The following NMT1 variants were observed in gnomAD, a reference collection of about 807,000 sequenced individuals.
The protein encoded by NMT1 is N-myristoyltransferase 1.
In NMT1, 12 loss-of-function variants were observed where a neutral mutation model predicts 63.4. That is an observed-to-expected ratio of 0.19 (90% CI 0.12 to 0.31). The LOEUF (loss-of-function observed/expected upper bound fraction) is 0.31. NMT1 is among the 10% of genes least tolerant of loss of function. The probability of loss-of-function intolerance (pLI) is 1.00; values close to 1 mark genes in which losing one functional copy is unlikely to be tolerated. For synonymous variants in NMT1, 228 were observed against 234.3 expected, an observed-to-expected ratio of 0.97 and a Z score of 0.25; for missense variants, 432 against 634.6, an observed-to-expected ratio of 0.68 and a Z score of 3.43.
In NMT1 at chr17:45,104,692, G is replaced by A; in HGVS notation, c.1333-167G>A. On this transcript the variant is annotated intron_variant, in intron 10 of 11. Transcript: ENST00000258960. The surrounding 1 kb of genome is among the most constrained non-coding windows in gnomAD (Gnocchi z 4.2). ...CTGGAGGGGGCGCTCAGAGTGTCCT[G>A]AGAACCACCCGGAGAGCGGGGATTA... 4 of 1,446,616 alleles carry A rather than the reference G, an allele frequency of 2.8e-6. No individual in the cohort carries two copies. Among genetic ancestry groups the A allele is most frequent in the Non-Finnish European group, 3.6e-6 (4 of 1,102,428 alleles). 89.6% of individuals were successfully genotyped at this position (1,446,616 alleles called of 1,614,324 possible). A position where few individuals can be genotyped will look rare whatever the true frequency, so the allele number is the denominator to read the frequency against.
At chr17:45,096,142 T>G in intron 4 of NMT1, 52 bp from the exon 5 acceptor site, 2 of 1,356,564 alleles carry the variant, frequency 1.5e-6, no homozygotes, top group East Asian at 4.6e-5. Flanking sequence ...GTATTGGAGT[T>G]GGTCTACTAC....
chr17:45,067,704 G>C (rs530195273), intron 1 of NMT1, among the ~76,000 whole-genome samples: 1 of 152,134 alleles, frequency 6.6e-6, no homozygotes, highest in East Asian at 1.9e-4. Flanking sequence ...TTCAAAACTA[G>C]ATCAAAGCAG....
chr17:45,091,598 G>A (rs1364056617), intron 3 of NMT1, among the ~76,000 whole-genome samples: 1 of 152,176 alleles, frequency 6.6e-6, no homozygotes, highest in Non-Finnish European at 1.5e-5. Context: ...TACAAGTTGG[G>A]AAATTAGCAC....
At chr17:45,096,064 G>T in intron 4 of NMT1, 130 bp from the exon 5 acceptor site, 1 of 688,566 alleles carries the variant, frequency 1.5e-6, no homozygotes, top group Non-Finnish European at 2.6e-6. Flanking sequence ...GGGGGCAGAA[G>T]GATTTGTGAG....
At chr17:45,084,373 C>T (rs539040618) in intron 2 of NMT1, among the ~76,000 whole-genome samples, 128 of 136,922 alleles carry the variant, frequency 9.3e-4, no homozygotes, top group African/African-American at 3.3e-3. Context: ...CTCGCTCTGT[C>T]GCCCAGGCTA....
rs2054200335 is a variant in NMT1 at position 45,105,952 on chromosome 17, A to G, written c.*313A>G. 1 of 191,642 alleles carries G rather than the reference A, an allele frequency of 5.2e-6. No individual in the cohort carries two copies. The highest frequency in any genetic ancestry group is 1.1e-5 in the Non-Finnish European group (1 of 94,808). The allele number at this position is 191,642 out of a possible 1,614,324, so 11.9% of individuals were successfully genotyped here. On this transcript the variant is annotated 3_prime_UTR_variant, in exon 12 of 12. Coordinates refer to ENST00000258960, the MANE Select transcript of NMT1 (RefSeq NM_021079.5). The surrounding 1 kb of genome is among the most constrained non-coding windows in gnomAD (Gnocchi z 4.2). Reference sequence around the variant, plus strand: ...CATATAATGGAGTTAACGGGTGAATAATAAAAGTATATATATATATTATAT... The same window carrying G: ...CATATAATGGAGTTAACGGGTGAATGATAAAAGTATATATATATATTATAT...
At chr17:45,076,409 G>A (rs2053977752) in intron 1 of NMT1, among the ~76,000 whole-genome samples, 1 of 151,486 alleles carries the variant, frequency 6.6e-6, no homozygotes. Flanking sequence ...CCTCACGGAT[G>A]GGGCTCAATA....
At chr17:45,090,947 A>G (rs1399913353) in intron 3 of NMT1, among the ~76,000 whole-genome samples, 1 of 152,022 alleles carries the variant, frequency 6.6e-6, no homozygotes, top group Non-Finnish European at 1.5e-5. Flanking sequence ...AGAGCAGGAC[A>G]AGCAGAGGCC....
chr17:45,102,839 G>T, intron 8 of NMT1, 112 bp from the exon 9 acceptor site: 1 of 984,072 alleles, frequency 1.0e-6, no homozygotes, highest in Non-Finnish European at 1.5e-6. Flanking sequence ...CGGGGGTGCA[G>T]GGAGCCGCCG....
chr17:45,101,034 A>G (rs898649742), intron 8 of NMT1, among the ~76,000 whole-genome samples: 4 of 140,084 alleles, frequency 2.9e-5, no homozygotes, highest in African/African-American at 1.1e-4. Context: ...ACAAAAAAAA[A>G]TTAGCCGGGC....
chr17:45,103,587 T>C lies in NMT1; in HGVS notation c.1165-122T>C. 2 of 1,001,012 alleles carry C rather than the reference T, an allele frequency of 2.0e-6. No individual in the cohort carries two copies. The highest frequency in any genetic ancestry group is 3.0e-6 in the Non-Finnish European group (2 of 672,580). The allele number at this position is 1,001,012 out of a possible 1,614,324, so 62.0% of individuals were successfully genotyped here. A position where few individuals can be genotyped will look rare whatever the true frequency, so the allele number is the denominator to read the frequency against. The stretch of plus-strand genomic sequence containing the variant: ...CTCCTCCCCACATGTCCTGTTGCAG[T>C]TTCCAGCCATTTATCTAGAGGGGCA... On this transcript the variant is annotated intron_variant, in intron 9 of 11. Transcript: ENST00000258960. The surrounding 1 kb of genome is among the most constrained non-coding windows in gnomAD (Gnocchi z 4.8).
chr17:45,105,813 G>GCTGCGTGACGACT lies in NMT1; in HGVS notation c.*184_*185insACTCTGCGTGACG. The GCTGCGTGACGACT allele has an allele frequency of 3.4e-6, 2 of 593,856 alleles. No homozygotes were observed. The highest frequency in any genetic ancestry group is 5.8e-6 in the Non-Finnish European group (2 of 343,858). The allele number at this position is 593,856 out of a possible 1,614,324, so 36.8% of individuals were successfully genotyped here. A position where few individuals can be genotyped will look rare whatever the true frequency, so the allele number is the denominator to read the frequency against. ...TGACAATTGTATTGCGATGGCGTGG[G>GCTGCGTGACGACT]CTGCGTGACGTCACCTCCGGTCGTG... On this transcript the variant is annotated 3_prime_UTR_variant, in exon 12 of 12. Transcript: ENST00000258960. This position sits in a 1 kb window ranked among gnomAD's most constrained non-coding sequence, Gnocchi z 4.2.
At chr17:45,070,111 G>T (rs1415442367) in intron 1 of NMT1, among the ~76,000 whole-genome samples, 1 of 152,094 alleles carries the variant, frequency 6.6e-6, no homozygotes, top group African/African-American at 2.4e-5. Flanking sequence ...AGCAGTTATC[G>T]TCCATGACAA....
chr17:45,081,667 C>G lies in NMT1; in HGVS notation c.155C>G (p.Thr52Ser). 1 of 1,613,622 alleles carries G rather than the reference C, an allele frequency of 6.2e-7. No individual in the cohort carries two copies. Among genetic ancestry groups the G allele is most frequent in the Non-Finnish European group, 8.5e-7 (1 of 1,179,868 alleles). ...NRGGLSPAND[T>S]GAKKKKKKQK... Reference sequence around the variant, plus strand: ...AGTGGTTTGAGTCCAGCCAATGACACTGGAGCCAAAAAGAAGAAAAAGAAA... The same window carrying G: ...AGTGGTTTGAGTCCAGCCAATGACAGTGGAGCCAAAAAGAAGAAAAAGAAA... Residue 52 changes from threonine (T) to serine (S), a missense_variant, in exon 2 of 12, where the codon ACT (threonine) becomes AGT (serine). Physicochemically the swap from Thr to Ser is moderately conservative, Grantham distance 58. Coordinates refer to ENST00000258960, the MANE Select transcript of NMT1 (RefSeq NM_021079.5).
intron 1 of NMT1, among the ~76,000 whole-genome samples, chr17:45,079,723 G>A (rs1024577741): frequency 2.0e-5 from 3 of 152,014 alleles, no homozygotes; most frequent in Admixed American, 6.6e-5. Context: ...TTTTTGAGAC[G>A]GAGTCTCGCT....
chr17:45,077,011 A>C (rs934953439), intron 1 of NMT1, among the ~76,000 whole-genome samples: 1 of 152,244 alleles, frequency 6.6e-6, no homozygotes, highest in African/African-American at 2.4e-5. Context: ...TGATAGCTAC[A>C]TGGAAGTATC....
chr17:45,101,140 C>T (rs570410462), intron 8 of NMT1, among the ~76,000 whole-genome samples: 1 of 151,624 alleles, frequency 6.6e-6, no homozygotes, highest in Non-Finnish European at 1.5e-5. Flanking sequence ...GCTGAGATAG[C>T]GCCATTGCAC....
chr17:45,069,799 C>T (rs914452185), intron 1 of NMT1, among the ~76,000 whole-genome samples: 1 of 151,116 alleles, frequency 6.6e-6, no homozygotes, highest in Non-Finnish European at 1.5e-5. Context: ...TTTGTCTCTT[C>T]ATGATAGACA....
At position 45,105,727 on chromosome 17, in the gene NMT1, C is replaced by T. The variant is rs141202848; in HGVS notation, c.*88C>T. ...CCACTGTTGGTCCAATTTTCACACA[C>T]GTGAGAATCCCTGGCAAAGGGAGCA... On this transcript the variant is annotated 3_prime_UTR_variant, in exon 12 of 12. Transcript: ENST00000258960. This position sits in a 1 kb window ranked among gnomAD's most constrained non-coding sequence, Gnocchi z 4.2. 4.9e-4 allele frequency: 649 copies of T among 1,335,688 alleles called. 2 individuals carry two copies. In the Middle Eastern group the frequency reaches 8.1e-3, roughly 17 times the overall value. The allele number at this position is 1,335,688 out of a possible 1,614,324, so 82.7% of individuals were successfully genotyped here.
Sources: gnomAD v4.1 joint callset for allele counts (sites outside exome capture counted in the v4.1 genomes callset) on GRCh38, gnomAD v4.1.1 for gene constraint, Gnocchi (gnomAD v3.1) non-coding constraint, MANE v1.5 for transcripts, NCBI Gene and HGNC (gene_info 2026-07-23, HGNC 2026-07-21) for gene names.